GPR158: variants seen among roughly 807,000 people sequenced by gnomAD.
The protein encoded by GPR158 is G protein-coupled receptor 158.
In GPR158, 30 loss-of-function variants were observed where a neutral mutation model predicts 78.2. The observed-to-expected ratio is 0.38, with a 90% CI of 0.29 to 0.52. The LOEUF is 0.52. Among genes scored for constraint, GPR158 ranks in the 20% least tolerant of loss-of-function variants. The pLI is 0.83. For synonymous variants in GPR158, 581 were observed against 591.1 expected (o/e 0.98, Z 0.25); for missense variants, 1,463 against 1,523.5 (o/e 0.96, Z 0.66).
chr10:25,475,413 C>T (rs1835569020), intron 5 of GPR158: 1 of 151,884 alleles, frequency 6.6e-6, no homozygotes, highest in African/African-American at 2.4e-5. Context: ...TAACTCTGTA[C>T]CTTGGTTTTT....
intron 2 of GPR158, among the ~76,000 whole-genome samples, chr10:25,226,501 A>C (rs1320071508): frequency 6.6e-6 from 1 of 152,238 alleles, no homozygotes; most frequent in East Asian, 1.9e-4. Context: ...GTATTAGTGC[A>C]ATTGAAACTA....
intron 2 of GPR158, among the ~76,000 whole-genome samples, chr10:25,359,531 A>G (rs917054687): frequency 1.3e-5 from 2 of 151,996 alleles, no homozygotes; most frequent in African/African-American, 4.8e-5. Context: ...TTCCTGTGTC[A>G]GTTTGCTGAG....
At chr10:25,587,602 C>T (rs910448375) in intron 7 of GPR158, among the ~76,000 whole-genome samples, 3 of 152,232 alleles carry the variant, frequency 2.0e-5, no homozygotes, top group Middle Eastern at 3.4e-3. Flanking sequence ...CAGAGTTACC[C>T]GATTCCCTTT....
rs951489930 is a variant in GPR158 at position 25,474,527 on chromosome 10, A to G, written c.1404+7808A>G. Among the ~76,000 whole-genome samples, 3 of 152,260 alleles carry G rather than the reference A, an allele frequency of 2.0e-5. No individual in the cohort carries two copies. The East Asian group carries it at 5.8e-4, about 29-fold the overall frequency. On this transcript the variant is annotated intron_variant, in intron 5 of 10. Coordinates refer to ENST00000376351, the MANE Select transcript of GPR158 (RefSeq NM_020752.3). Reference sequence around the variant, plus strand: ...CTTTCCTCGACCCCTAATCTGAGTCAGATTCCTTGCAATAACTTCTCATGG... The same window carrying G: ...CTTTCCTCGACCCCTAATCTGAGTCGGATTCCTTGCAATAACTTCTCATGG...
chr10:25,258,707 T>C (rs1853924099), intron 2 of GPR158, among the ~76,000 whole-genome samples: 1 of 152,184 alleles, frequency 6.6e-6, no homozygotes, highest in Admixed American at 6.5e-5. Flanking sequence ...TTTAGGCTTT[T>C]TAGGTCATAT....
chr10:25,338,442 A>T (rs1287685662), intron 2 of GPR158, among the ~76,000 whole-genome samples: 1 of 143,844 alleles, frequency 7.0e-6, no homozygotes, highest in Non-Finnish European at 1.5e-5. Flanking sequence ...TACGTATTAT[A>T]TATACGTAAT....
chr10:25,410,119 C>T (rs1834564711), intron 3 of GPR158, among the ~76,000 whole-genome samples: 1 of 152,162 alleles, frequency 6.6e-6, no homozygotes, highest in African/African-American at 2.4e-5. Context: ...TATAGCATCT[C>T]CCTCTGTACA....
At chr10:25,515,990 T>C (rs1407607970) in intron 5 of GPR158, among the ~76,000 whole-genome samples, 9 of 150,362 alleles carry the variant, frequency 6.0e-5, no homozygotes, top group Non-Finnish European at 1.0e-4. Flanking sequence ...CCACCAACAG[T>C]GTAAAAGTGT....
At chr10:25,423,341 G>T (rs543265114) in intron 4 of GPR158, among the ~76,000 whole-genome samples, 1 of 151,384 alleles carries the variant, frequency 6.6e-6, no homozygotes, top group South Asian at 2.1e-4. Context: ...CTTCTGGGTA[G>T]ATACCTGATA....
chr10:25,508,066 G>A (rs924045409), intron 5 of GPR158, among the ~76,000 whole-genome samples: 5 of 152,154 alleles, frequency 3.3e-5, no homozygotes, highest in Admixed American at 2.0e-4. Flanking sequence ...GTCAAGGGAC[G>A]GTAGTTGGTG....
intron 7 of GPR158, among the ~76,000 whole-genome samples, chr10:25,578,974 A>C (rs1837146268): frequency 6.6e-6 from 1 of 152,094 alleles, no homozygotes; most frequent in South Asian, 2.1e-4. Context: ...ACGCCACTGC[A>C]CTCCAGCCTG....
chr10:25,192,597 TTGTAAAGAGTAAACAATCTTATATA>T (rs1852786785), intron 1 of GPR158, among the ~76,000 whole-genome samples: 1 of 152,144 alleles, frequency 6.6e-6, no homozygotes, highest in South Asian at 2.1e-4. Flanking sequence ...CCTCTTACTG[TTGTAAAGAGTAAACAATCTTATATA>T]TGTAAAGAGG....
At chr10:25,452,957 C>T (rs1835241280) in intron 4 of GPR158, among the ~76,000 whole-genome samples, 1 of 152,198 alleles carries the variant, frequency 6.6e-6, no homozygotes, top group Admixed American at 6.5e-5. Context: ...TTAGATTTCA[C>T]ATCTGAGTGA....
At chr10:25,595,316 G>A (rs2130753184) in intron 9 of GPR158, among the ~76,000 whole-genome samples, 1 of 152,212 alleles carries the variant, frequency 6.6e-6, no homozygotes, top group South Asian at 2.1e-4. Flanking sequence ...CTAGACACAA[G>A]TATTTGTATA....
At chr10:25,341,272 T>C (rs550831024) in intron 2 of GPR158, among the ~76,000 whole-genome samples, 1 of 151,986 alleles carries the variant, frequency 6.6e-6, no homozygotes, top group Admixed American at 6.6e-5. Flanking sequence ...AATACAAATA[T>C]TGAATGTGGG....
chr10:25,537,789 A>G (rs1413740066), intron 5 of GPR158, among the ~76,000 whole-genome samples: 1 of 151,986 alleles, frequency 6.6e-6, no homozygotes, highest in Non-Finnish European at 1.5e-5. Context: ...TCATAAGATC[A>G]GGTTGTTTAA....
chr10:25,316,861 A>G (rs1854858487), intron 2 of GPR158, among the ~76,000 whole-genome samples: 1 of 150,634 alleles, frequency 6.6e-6, no homozygotes, highest in Admixed American at 6.6e-5. Flanking sequence ...TTCTTTTGGT[A>G]TATATTTATA....
chr10:25,483,165 G>A (rs1454730171), intron 5 of GPR158, among the ~76,000 whole-genome samples: 1 of 151,846 alleles, frequency 6.6e-6, no homozygotes, highest in Non-Finnish European at 1.5e-5. Flanking sequence ...CTTAAGTCAG[G>A]TAGTGCTACC....
intron 5 of GPR158, among the ~76,000 whole-genome samples, chr10:25,540,372 G>A (rs1480464137): frequency 1.3e-5 from 2 of 152,200 alleles, no homozygotes; most frequent in Non-Finnish European, 2.9e-5. Flanking sequence ...AACCATTGTG[G>A]AAGACAGTGT....
Sources: gnomAD v4.1 joint callset for allele counts (sites outside exome capture counted in the v4.1 genomes callset) on GRCh38, gnomAD v4.1.1 for gene constraint, MANE v1.5 for transcripts, NCBI Gene and HGNC (gene_info 2026-07-23, HGNC 2026-07-21) for gene names.